PCDH17: variants seen among roughly 807,000 people sequenced by gnomAD.
PCDH17 encodes protocadherin 17.
PCDH17 carries 21 observed loss-of-function variants against 67.7 expected under a neutral mutation model. The ratio of observed to expected loss-of-function variants is 0.31; its 90% confidence interval spans 0.22 to 0.45. The LOEUF (loss-of-function observed/expected upper bound fraction) is 0.45, where lower values mean the gene tolerates loss of function less well. Among genes scored for constraint, PCDH17 ranks in the 20% least tolerant of loss-of-function variants. The pLI is 1.00. For synonymous variants in PCDH17, 701 were observed against 656.7 expected, an observed-to-expected ratio of 1.07 and a Z score of -1.03; for missense variants, 1,471 against 1,564.8, an observed-to-expected ratio of 0.94 and a Z score of 1.01.
intron 3 of PCDH17, among the ~76,000 whole-genome samples, chr13:57,677,723 A>G (rs528401939): frequency 6.6e-6 from 1 of 151,976 alleles, no homozygotes; most frequent in African/African-American, 2.4e-5. Flanking sequence ...GACAACTGAC[A>G]GGTCACTCCT....
At chr13:57,651,681 A>C (rs1289576836) in intron 1 of PCDH17, among the ~76,000 whole-genome samples, 2 of 152,122 alleles carry the variant, frequency 1.3e-5, no homozygotes, top group Non-Finnish European at 2.9e-5. Flanking sequence ...TATATTAGCT[A>C]TGCAGTCCAG....
intron 3 of PCDH17, among the ~76,000 whole-genome samples, chr13:57,714,766 T>A (rs1955804220): frequency 6.6e-6 from 1 of 151,730 alleles, no homozygotes; most frequent in African/African-American, 2.4e-5. Context: ...AATTCATATG[T>A]TGATGATAGC....
At chr13:57,723,053 C>T (rs1955884400) in intron 3 of PCDH17, among the ~76,000 whole-genome samples, 1 of 152,130 alleles carries the variant, frequency 6.6e-6, no homozygotes, top group Admixed American at 6.6e-5. Flanking sequence ...ATAGTATTTG[C>T]GTCTGTGGAT....
chr13:57,673,369 C>T (rs1955347954), intron 3 of PCDH17, among the ~76,000 whole-genome samples: 1 of 151,962 alleles, frequency 6.6e-6, no homozygotes, highest in Admixed American at 6.6e-5. Flanking sequence ...TACATTCCAG[C>T]CTTTGTTTAG....
chr13:57,638,752 G>A (rs894692512), intron 1 of PCDH17, among the ~76,000 whole-genome samples: 4 of 152,050 alleles, frequency 2.6e-5, no homozygotes, highest in Admixed American at 6.5e-5. Flanking sequence ...GAGGACTAAC[G>A]TATCATAGTG....
chr13:57,635,045 C>A lies in PCDH17; in HGVS notation c.2499C>A (p.His833Gln). ...TCCCTCAGGGGCACGCGGGCTGCCA[C>A]ACCAGCTTCACCGGACAAGGGACTA... ...LTVPQGHAGCHTSFTGQGTNA... is the reference protein window; with the variant it reads ...LTVPQGHAGCQTSFTGQGTNA... The change falls in exon 1 of 4, where the codon CAC (histidine) becomes CAA (glutamine). Residue 833 changes from histidine to glutamine, a missense_variant. Physicochemically the swap from His to Gln is conservative, Grantham distance 24 (BLOSUM62 0). Transcript: ENST00000377918. 5 of 1,613,686 alleles carry A rather than the reference C, an allele frequency of 3.1e-6. No homozygotes were observed. Among genetic ancestry groups the A allele is most frequent in the Non-Finnish European group, 4.2e-6 (5 of 1,180,024 alleles).
intron 3 of PCDH17, among the ~76,000 whole-genome samples, chr13:57,712,282 C>G (rs540825926): frequency 2.0e-5 from 3 of 151,742 alleles, no homozygotes; most frequent in South Asian, 2.1e-4. Context: ...TAGAGTGAAA[C>G]TTACTTAAAT....
rs776746034 is a variant in PCDH17 at position 57,632,496 on chromosome 13, T to C, written c.-51T>C. On this transcript the variant is annotated 5_prime_UTR_variant, in exon 1 of 4. Transcript: ENST00000377918. ...GGGCCCCAGGCTGGCGCGCACTCCC[T>C]CTCTGGCTCCTCCAGTCCGATTGCT... 1 of 1,561,052 alleles carries C rather than the reference T, an allele frequency of 6.4e-7. No individual in the cohort carries two copies. The highest frequency in any genetic ancestry group is 1.2e-5 in the South Asian group (1 of 85,818).
At chr13:57,680,992 G>A (rs910977589) in intron 3 of PCDH17, among the ~76,000 whole-genome samples, 10 of 151,700 alleles carry the variant, frequency 6.6e-5, no homozygotes, top group African/African-American at 2.4e-5. Context: ...AATTGGTAAT[G>A]TAAAGAAAAA....
intron 1 of PCDH17, among the ~76,000 whole-genome samples, chr13:57,659,918 G>GA (rs1297826241): frequency 6.6e-6 from 1 of 151,908 alleles, no homozygotes; most frequent in Non-Finnish European, 1.5e-5. Context: ...ATACACACAA[G>GA]AAAAAAATTC....
chr13:57,725,174 G>C lies in PCDH17; in HGVS notation c.3360G>C (p.Gln1120His). 6.2e-7 allele frequency: 1 copy of C among 1,614,176 alleles called. No individual in the cohort carries two copies. Among genetic ancestry groups the C allele is most frequent in the Non-Finnish European group, 8.5e-7 (1 of 1,180,016 alleles). The change falls in exon 4 of 4, where the codon CAG (glutamine) becomes CAC (histidine). Residue 1120 changes from glutamine to histidine, a missense_variant. Gln to His is a conservative substitution (Grantham distance 24). Transcript: ENST00000377918. The stretch of plus-strand genomic sequence containing the variant: ...GTGAGATGGGTGCTGTTCTTGAGCA[G>C]CTTGACCACCCCAACAGGGATCTGG... ...DSSEMGAVLE[Q>H]LDHPNRDLGR...
At chr13:57,658,009 C>G (rs1185236011) in intron 1 of PCDH17, among the ~76,000 whole-genome samples, 1 of 152,088 alleles carries the variant, frequency 6.6e-6, no homozygotes, top group Admixed American at 6.6e-5. Flanking sequence ...TTAAAAATGT[C>G]TTCGTCTTTA....
chr13:57,681,015 C>T (rs1955443655), intron 3 of PCDH17, among the ~76,000 whole-genome samples: 1 of 151,692 alleles, frequency 6.6e-6, no homozygotes, highest in South Asian at 2.1e-4. Flanking sequence ...TATTAAACAT[C>T]TACTATGTGT....
intron 3 of PCDH17, among the ~76,000 whole-genome samples, chr13:57,673,592 T>C (rs1340688234): frequency 2.6e-5 from 4 of 151,976 alleles, no homozygotes; most frequent in African/African-American, 7.2e-5. Flanking sequence ...GAAATGCTGC[T>C]GCAAGCTTAT....
At position 57,633,539 on chromosome 13, in the gene PCDH17, C is replaced by A. The variant is rs772334618; in HGVS notation, c.993C>A (p.Ile331=). 2 of 1,613,836 alleles carry A rather than the reference C, an allele frequency of 1.2e-6. No individual in the cohort carries two copies. The highest frequency in any genetic ancestry group is 2.2e-5 in the South Asian group (2 of 91,076). Residue 331 remains isoleucine, a synonymous_variant, in exon 1 of 4, where the codon ATC becomes ATA. Coordinates refer to ENST00000377918, the MANE Select transcript of PCDH17 (RefSeq NM_001040429.3). This position sits in a 1 kb window ranked among gnomAD's most constrained non-coding sequence, Gnocchi z 6.2. Reference sequence around the variant, plus strand: ...CCCGAGACCTGGGGCCTAACCCTATCCCAGCCCACTGCAAAGTCACGGTCA... The same window carrying A: ...CCCGAGACCTGGGGCCTAACCCTATACCAGCCCACTGCAAAGTCACGGTCA... ...VQARDLGPNP[I]PAHCKVTVKL...
intron 3 of PCDH17, among the ~76,000 whole-genome samples, chr13:57,681,350 T>G (rs1017935562): frequency 6.6e-6 from 1 of 151,802 alleles, no homozygotes; most frequent in Non-Finnish European, 1.5e-5. Flanking sequence ...ATAACTAAAT[T>G]TAAAGATTTA....
Position 57,666,852 on chromosome 13 carries a change from T to C in PCDH17, c.2797+19T>C. On this transcript the variant is annotated intron_variant, in intron 3 of 3. Coordinates refer to ENST00000377918, the MANE Select transcript of PCDH17 (RefSeq NM_001040429.3). ...GAACAAGGTGAGTGAAGTCTTCCAA[T>C]GCTTACAAAGTGTAAAGCTTAAGCA... 6.3e-7 allele frequency: 1 copy of C among 1,586,288 alleles called. No individual in the cohort carries two copies. The highest frequency in any genetic ancestry group is 8.6e-7 in the Non-Finnish European group (1 of 1,163,772).
intron 3 of PCDH17, among the ~76,000 whole-genome samples, chr13:57,677,840 CA>C (rs1426795269): frequency 1.6e-4 from 25 of 151,706 alleles, no homozygotes; most frequent in African/African-American, 5.8e-4. Context: ...TGGTGGAATC[CA>C]AAAATACTGA....
Position 57,663,448 on chromosome 13 carries a change from T to C in PCDH17, c.2566-3020T>C, listed in dbSNP as rs549113000. ...GTGTTGTAAAATATCTGAATACTCTTATACTTCTAATTAAATGGTGCTGTC... is the reference window on the plus strand; with the variant it reads ...GTGTTGTAAAATATCTGAATACTCTCATACTTCTAATTAAATGGTGCTGTC... On this transcript the variant is annotated intron_variant, in intron 1 of 3. Transcript: ENST00000377918. Among the ~76,000 whole-genome samples the C allele has an allele frequency of 2.6e-5, 4 of 152,306 alleles. No individual in the cohort carries two copies. The South Asian group carries it at 6.2e-4, about 24-fold the overall frequency.
Sources: allele counts gnomAD v4.1 joint callset (sites outside exome capture counted in the v4.1 genomes callset), GRCh38; gene constraint gnomAD v4.1.1; non-coding constraint Gnocchi (gnomAD v3.1); transcripts MANE v1.5; gene names NCBI Gene and HGNC (gene_info 2026-07-23, HGNC 2026-07-21).